Variants in PCDHA13 observed in about 807,000 individuals in gnomAD.
The protein encoded by PCDHA13 is protocadherin alpha-13.
A neutral mutation model predicts 64.8 loss-of-function variants in PCDHA13; 54 were observed. The ratio of observed to expected loss-of-function variants is 0.83; its 90% CI spans 0.67 to 1.04. PCDHA13 has a LOEUF of 1.04. Ranked by LOEUF, PCDHA13 falls within the 50% of genes least tolerant of loss-of-function variation. PCDHA13 has a pLI of 0.00. For missense variants in PCDHA13, 1,248 were observed against 1,254.3 expected (o/e 0.99, Z 0.08); for synonymous variants, 587 against 564.4 (o/e 1.04, Z -0.57).
intron 1 of PCDHA13, among the ~76,000 whole-genome samples, chr5:140,963,754 T>C (rs190216638): frequency 2.3e-4 from 35 of 152,374 alleles, no homozygotes; most frequent in Admixed American, 7.2e-4. Flanking sequence ...TGATAATAAA[T>C]TGTTGTATTT....
At chr5:140,887,039 T>G (rs1396033565) in intron 1 of PCDHA13, among the ~76,000 whole-genome samples, 2 of 152,156 alleles carry the variant, frequency 1.3e-5, no homozygotes, top group African/African-American at 4.8e-5. Flanking sequence ...TTAATATTTT[T>G]TATAGTGCAT....
intron 3 of PCDHA13, among the ~76,000 whole-genome samples, chr5:140,990,557 A>G (rs782726055): frequency 2.0e-5 from 3 of 152,166 alleles, no homozygotes; most frequent in Non-Finnish European, 4.4e-5. Flanking sequence ...TTACCCAAGA[A>G]CACACACCTG....
chr5:141,002,059 G>A (rs983772482), intron 3 of PCDHA13, among the ~76,000 whole-genome samples: 1 of 152,242 alleles, frequency 6.6e-6, no homozygotes, highest in Non-Finnish European at 1.5e-5. Flanking sequence ...AGAGGCAGCA[G>A]CAGCCGCCAG....
chr5:140,892,054 T>G (rs1409591142), intron 1 of PCDHA13, among the ~76,000 whole-genome samples: 4 of 152,244 alleles, frequency 2.6e-5, no homozygotes, highest in African/African-American at 7.2e-5. Flanking sequence ...TTTTTCAAAT[T>G]TATTGTTACT....
intron 1 of PCDHA13, chr5:140,966,800 G>A: frequency 6.5e-7 from 1 of 1,540,654 alleles, no homozygotes; most frequent in Non-Finnish European, 8.7e-7. Context: ...TGCGGCGACA[G>A]AGCATCCACG....
chr5:140,975,202 T>G (rs143285430), intron 1 of PCDHA13, among the ~76,000 whole-genome samples: 4 of 152,352 alleles, frequency 2.6e-5, no homozygotes, highest in African/African-American at 7.2e-5. Flanking sequence ...TCCATCTTCA[T>G]GGCTGGCACT....
intron 1 of PCDHA13, among the ~76,000 whole-genome samples, chr5:140,961,680 C>T (rs989401730): frequency 3.3e-5 from 5 of 152,040 alleles, no homozygotes; most frequent in African/African-American, 4.8e-5. Flanking sequence ...TTAATTAAGC[C>T]GGAGTAGTCC....
At chr5:140,890,576 A>T (rs1554184435) in intron 1 of PCDHA13, among the ~76,000 whole-genome samples, 2 of 151,634 alleles carry the variant, frequency 1.3e-5, no homozygotes, top group African/African-American at 4.8e-5. Flanking sequence ...TTCCTTCTGT[A>T]TTATTTGGAA....
chr5:140,972,270 G>T (rs2096527606), intron 1 of PCDHA13, among the ~76,000 whole-genome samples: 2 of 151,190 alleles, frequency 1.3e-5, no homozygotes, highest in African/African-American at 4.9e-5. Context: ...CTCCTGAGTA[G>T]CTTGGACCAT....
At chr5:140,962,625 A>C (rs2095697493) in intron 1 of PCDHA13, among the ~76,000 whole-genome samples, 1 of 152,228 alleles carries the variant, frequency 6.6e-6, no homozygotes, top group Non-Finnish European at 1.5e-5. Context: ...GAGATGTGAA[A>C]AAATTTAGCC....
At chr5:141,001,978 A>G (rs1331599524) in intron 3 of PCDHA13, among the ~76,000 whole-genome samples, 1 of 152,166 alleles carries the variant, frequency 6.6e-6, no homozygotes, top group Non-Finnish European at 1.5e-5. Context: ...TCTGCGCGGA[A>G]AGCCTGGAAG....
chr5:140,920,559 C>T (rs2153557837), intron 1 of PCDHA13, among the ~76,000 whole-genome samples: 2 of 152,226 alleles, frequency 1.3e-5, no homozygotes, highest in South Asian at 4.1e-4. Context: ...GAAGTGTGGC[C>T]CTTAGGCCAG....
intron 1 of PCDHA13, among the ~76,000 whole-genome samples, chr5:140,941,214 CCTTTCTTTCTTTCTTT>C (rs60032403): frequency 8.2e-6 from 1 of 122,414 alleles, no homozygotes; most frequent in East Asian, 2.3e-4. Context: ...TTTCTTTCTT[CCTTTCTTTCTTTCTTT>C]CTTTCTTTCT....
At chr5:140,999,855 G>A (rs1019104615) in intron 3 of PCDHA13, among the ~76,000 whole-genome samples, 8 of 152,094 alleles carry the variant, frequency 5.3e-5, no homozygotes, top group Admixed American at 2.6e-4. Context: ...TATCTCTTCC[G>A]CTCCAAGATT....
chr5:140,950,270 G>A (rs980703743), intron 1 of PCDHA13, among the ~76,000 whole-genome samples: 1 of 151,960 alleles, frequency 6.6e-6, no homozygotes, highest in East Asian at 1.9e-4. Flanking sequence ...TATCCATAAT[G>A]TCTTTTTGCT....
intron 1 of PCDHA13, among the ~76,000 whole-genome samples, chr5:140,910,884 T>C (rs748501328): frequency 3.3e-5 from 5 of 152,254 alleles, no homozygotes; most frequent in Non-Finnish European, 7.3e-5. Flanking sequence ...ACCCTTAATA[T>C]CCATTCCTAT....
rs77488964 is a variant in PCDHA13, at chr5:140,929,006, C to T, written c.2394+44344C>T. The T allele has an allele frequency of 3.2e-3, 5,179 of 1,614,048 alleles. 25 individuals carry two copies. Among genetic ancestry groups the T allele is most frequent in the African/African-American group, 0.019 (1,447 of 75,028 alleles). ...GGGTGCTTACTTTTCTTCGTGTGTA[C>T]CAAGTTGCACCAGAGCCCAGGCTGT... is the stretch of plus-strand genomic sequence containing the variant. On this transcript the variant is annotated intron_variant, in intron 1 of 3. Coordinates refer to ENST00000289272, the MANE Select transcript of PCDHA13 (RefSeq NM_018904.3).
chr5:140,976,414 G>A (rs1242756697), intron 1 of PCDHA13, among the ~76,000 whole-genome samples: 2 of 151,998 alleles, frequency 1.3e-5, no homozygotes, highest in African/African-American at 2.4e-5. Context: ...AGCCAGGTAC[G>A]GTGGCAGATG....
chr5:140,898,072 G>T (rs1412097602), intron 1 of PCDHA13, among the ~76,000 whole-genome samples: 1 of 152,012 alleles, frequency 6.6e-6, no homozygotes, highest in Non-Finnish European at 1.5e-5. Flanking sequence ...TGAGTTCATT[G>T]TAGATTCTGG....
Sources: allele counts gnomAD v4.1 joint callset (sites outside exome capture counted in the v4.1 genomes callset), GRCh38; gene constraint gnomAD v4.1.1; transcripts MANE v1.5; gene names NCBI Gene and HGNC (gene_info 2026-07-23, HGNC 2026-07-21).